TIMM44: variants seen among roughly 807,000 people sequenced by gnomAD.
The protein encoded by TIMM44 is mitochondrial import inner membrane translocase subunit TIM44.
In TIMM44, 37 loss-of-function variants were observed where a neutral mutation model predicts 63.8. The observed-to-expected ratio is 0.58, with a 90% CI of 0.45 to 0.76. TIMM44 has a LOEUF of 0.76. Ranked by LOEUF, TIMM44 falls within the 30% of genes least tolerant of loss-of-function variation. TIMM44 has a pLI of 0.00. For missense variants in TIMM44, 573 were observed against 603.8 expected (o/e 0.95, Z 0.54); for synonymous variants, 239 against 245.1 (o/e 0.98, Z 0.23).
At position 7,935,165 on chromosome 19, in the gene TIMM44, TC is replaced by T; in HGVS notation, c.313-21del. On this transcript the variant is annotated intron_variant, in intron 3 of 12. Transcript: ENST00000270538. ...GGTTTTCTAGGTAAAGAGCGCTGTG[TC>T]CTTTTTTTTTTTTTTTTTTTTGAGA... The T allele has an allele frequency of 1.3e-6, 2 of 1,497,052 alleles. No homozygotes were observed. The highest frequency in any genetic ancestry group is 1.2e-5 in the South Asian group (1 of 83,282). 92.7% of individuals were successfully genotyped at this position (1,497,052 alleles called of 1,614,324 possible).
At position 7,943,619 on chromosome 19, in the gene TIMM44, G is replaced by A. The variant is rs759733359; in HGVS notation, c.33C>T (p.Cys11=). Residue 11 remains cysteine (C), a synonymous_variant, in exon 1 of 13, where the codon TGC becomes TGT. Transcript: ENST00000270538. This position sits in a 1 kb window ranked among gnomAD's most constrained non-coding sequence, Gnocchi z 4.3. The part of the protein sequence containing the change: MAAAALRSGW[C]RCPRRCLGSG... ...CACCGCCGCTCACCCGTGGACAGCG[G>A]CACCAGCCACTCCGCAGGGCCGCCG... The A allele has an allele frequency of 1.3e-6, 2 of 1,557,702 alleles. No individual in the cohort carries two copies. The highest frequency in any genetic ancestry group is 1.9e-5 in the Admixed American group (1 of 53,510).
intron 10 of TIMM44, among the ~76,000 whole-genome samples, chr19:7,929,526 T>G (rs1277698238): frequency 2.0e-5 from 3 of 152,288 alleles, no homozygotes; most frequent in Non-Finnish European, 2.9e-5. Flanking sequence ...GGCTGTTTGG[T>G]TACCAGGGTT....
chr19:7,934,946 C>A lies in TIMM44; in HGVS notation c.393+119G>T. On this transcript the variant is annotated intron_variant, in intron 4 of 12. Coordinates refer to ENST00000270538, the MANE Select transcript of TIMM44 (RefSeq NM_006351.4). The surrounding 1 kb of genome is among the most constrained non-coding windows in gnomAD (Gnocchi z 5.3). Reference sequence around the variant, plus strand: ...AAACCTTCCCGAGGGTGGCAGCACGCCCCATGCCACCCACTGCTGCCAAGC... The same window carrying A: ...AAACCTTCCCGAGGGTGGCAGCACGACCCATGCCACCCACTGCTGCCAAGC... 1 of 894,468 alleles carries A rather than the reference C, an allele frequency of 1.1e-6. No homozygotes were observed. Among genetic ancestry groups the A allele is most frequent in the South Asian group, 1.4e-5 (1 of 70,846 alleles). The allele number at this position is 894,468 out of a possible 1,614,324, so 55.4% of individuals were successfully genotyped here.
rs768487113 is a variant in TIMM44, at chr19:7,933,911, C to T, written c.636G>A (p.Glu212=). 3.7e-6 allele frequency: 6 copies of T among 1,614,194 alleles called. No individual in the cohort carries two copies. In the Admixed American group the frequency reaches 6.7e-5, roughly 18 times the overall value. ...CCTCCTTGAACTTATCTCCCGCAAA[C>T]TCCGTTCTCTTCCGGAGTCGCTGGG... ...RRPQRLRKRT[E]FAGDKFKEEK... Residue 212 remains glutamate (E), a synonymous_variant, in exon 6 of 13, where the codon GAG becomes GAA. Coordinates refer to ENST00000270538, the MANE Select transcript of TIMM44 (RefSeq NM_006351.4). This position sits in a 1 kb window ranked among gnomAD's most constrained non-coding sequence, Gnocchi z 4.3.
chr19:7,935,976 G>C (rs1004512271), intron 3 of TIMM44, among the ~76,000 whole-genome samples: 1 of 152,148 alleles, frequency 6.6e-6, no homozygotes, highest in African/African-American at 2.4e-5. Context: ...GCAACATGGC[G>C]AGACCCTGTC....
chr19:7,932,674 G>T lies in TIMM44; in HGVS notation c.940C>A (p.Arg314=), dbSNP rs201942573. ...LRVDPAFDKD[R]FLKQCENDII... ...TCGTTCTCGCACTGTTTCAGAAACC[G>T]GTCCTTGTCAAAGGCCGGGTCCACC... The change falls in exon 9 of 13, where the codon CGG becomes AGG. Residue 314 remains arginine (R), a synonymous_variant. Coordinates refer to ENST00000270538, the MANE Select transcript of TIMM44 (RefSeq NM_006351.4). 74 of 1,613,994 alleles carry T rather than the reference G, an allele frequency of 4.6e-5. No individual in the cohort carries two copies. The highest frequency in any genetic ancestry group is 1.2e-4 in the Admixed American group (7 of 60,010).
chr19:7,932,989 C>A (rs1984032222), intron 7 of TIMM44, 57 bp from the exon 8 acceptor site: 1 of 1,404,848 alleles, frequency 7.1e-7, no homozygotes, highest in African/African-American at 1.4e-5. Context: ...CACAACCCTC[C>A]CTCACAGCTT....
chr19:7,929,204 C>T (rs1389318143), intron 10 of TIMM44, among the ~76,000 whole-genome samples: 3 of 152,114 alleles, frequency 2.0e-5, no homozygotes, highest in Non-Finnish European at 4.4e-5. Flanking sequence ...GGGATGGACT[C>T]GGGCAGGGAC....
intron 3 of TIMM44, among the ~76,000 whole-genome samples, chr19:7,937,222 T>A (rs1212632841): frequency 6.6e-6 from 1 of 152,044 alleles, no homozygotes; most frequent in Non-Finnish European, 1.5e-5. Context: ...TGAGCCAAGG[T>A]CACGCCACTG....
At chr19:7,936,797 G>A (rs371438999) in intron 3 of TIMM44, among the ~76,000 whole-genome samples, 8 of 152,194 alleles carry the variant, frequency 5.3e-5, no homozygotes, top group East Asian at 1.9e-4. Flanking sequence ...GTGAAACCCC[G>A]TCTCTATAAA....
At chr19:7,931,507 G>A (rs748454234) in intron 9 of TIMM44, 14 of 404,394 alleles carry the variant, frequency 3.5e-5, no homozygotes, top group Non-Finnish European at 6.0e-5. Flanking sequence ...CTTTCAGCCT[G>A]GTCAGGAATC....
chr19:7,931,100 C>G, intron 10 of TIMM44, 38 bp downstream of exon 10: 2 of 1,566,940 alleles, frequency 1.3e-6, no homozygotes, highest in Non-Finnish European at 1.7e-6. Context: ...TTTTTTAGGC[C>G]TTAAAAAAAA....
chr19:7,933,915 G>C lies in TIMM44; in HGVS notation c.632C>G (p.Thr211Arg). The change falls in exon 6 of 13, where the codon ACG becomes AGG. Residue 211 changes from threonine to arginine, a missense_variant. Coordinates refer to ENST00000270538, the MANE Select transcript of TIMM44 (RefSeq NM_006351.4). This position sits in a 1 kb window ranked among gnomAD's most constrained non-coding sequence, Gnocchi z 4.3. ...YRRPQRLRKR[T>R]EFAGDKFKEE... Reference sequence around the variant, plus strand: ...CTTGAACTTATCTCCCGCAAACTCCGTTCTCTTCCGGAGTCGCTGGGGCCT... The same window carrying C: ...CTTGAACTTATCTCCCGCAAACTCCCTTCTCTTCCGGAGTCGCTGGGGCCT... 2 of 1,614,140 alleles carry C rather than the reference G, an allele frequency of 1.2e-6. No individual in the cohort carries two copies. Among genetic ancestry groups the C allele is most frequent in the South Asian group, 2.2e-5 (2 of 91,080 alleles).
intron 2 of TIMM44, among the ~76,000 whole-genome samples, chr19:7,940,012 T>C (rs1218567034): frequency 6.6e-5 from 10 of 152,170 alleles, no homozygotes; most frequent in Admixed American, 6.5e-4. Flanking sequence ...GTGTTGGGTA[T>C]ACCAGCTCCA....
rs988357093 is a variant in TIMM44 at position 7,941,213 on chromosome 19, GAA to G, written c.46-18_46-17del. ...CGAGGCATCTCTAATTGGGGGGAGA[GAA>G]GAGAAAGATCCATTCTAACAAGAGG... On this transcript the variant is annotated splice_polypyrimidine_tract_variant and intron_variant, in intron 1 of 12. Coordinates refer to ENST00000270538, the MANE Select transcript of TIMM44 (RefSeq NM_006351.4). 6.3e-7 allele frequency: 1 copy of G among 1,587,650 alleles called. No homozygotes were observed.
At chr19:7,930,068 C>G (rs958557443) in intron 10 of TIMM44, among the ~76,000 whole-genome samples, 2 of 151,978 alleles carry the variant, frequency 1.3e-5, no homozygotes, top group African/African-American at 4.8e-5. Context: ...AGACTGGTCT[C>G]GAACTCCTGA....
rs146414630 is a variant in TIMM44, at chr19:7,935,499, C to T, written c.313-354G>A. Among the ~76,000 whole-genome samples the T allele has an allele frequency of 1.0e-3, 159 of 152,290 alleles. 1 individual carries two copies. The highest frequency in any genetic ancestry group is 2.6e-3 in the Admixed American group (40 of 15,298). ...GTCTTTAAGTCTGTATGTTCTGACA[C>T]GGCAGTGACATTTCTCTTACAGCCA... is the stretch of plus-strand genomic sequence containing the variant. On this transcript the variant is annotated intron_variant, in intron 3 of 12. Coordinates refer to ENST00000270538, the MANE Select transcript of TIMM44 (RefSeq NM_006351.4).
intron 2 of TIMM44, among the ~76,000 whole-genome samples, chr19:7,939,893 C>T (rs901864577): frequency 6.6e-6 from 1 of 151,796 alleles, no homozygotes; most frequent in African/African-American, 2.4e-5. Flanking sequence ...GCCTGGGCGA[C>T]AGAGTGAGAC....
intron 3 of TIMM44, 151 bp from the exon 4 acceptor site, chr19:7,935,296 G>C (rs552137622): frequency 1.4e-6 from 1 of 708,258 alleles, no homozygotes; most frequent in African/African-American, 1.8e-5. Context: ...CTCCCGAGTA[G>C]CTGGGACTAC....
Sources: allele counts gnomAD v4.1 joint callset (sites outside exome capture counted in the v4.1 genomes callset), GRCh38; gene constraint gnomAD v4.1.1; non-coding constraint Gnocchi (gnomAD v3.1); transcripts MANE v1.5; gene names NCBI Gene and HGNC (gene_info 2026-07-23, HGNC 2026-07-21).